GOSR2: variants seen among roughly 807,000 people sequenced by gnomAD.
The protein encoded by GOSR2 is 27 kDa Golgi SNARE protein.
In GOSR2, 20 loss-of-function variants were observed where a neutral mutation model predicts 27.9. That is an observed-to-expected ratio of 0.72 (90% CI 0.50 to 1.04). GOSR2 has a LOEUF of 1.04. Ranked by LOEUF, GOSR2 falls within the 50% of genes least tolerant of loss-of-function variation. GOSR2 has a pLI of 0.00. For synonymous variants in GOSR2, 91 were observed against 98.8 expected (o/e 0.92, Z 0.47); for missense variants, 261 against 270.5 (o/e 0.97, Z 0.25).
chr17:46,935,796 A>G (rs1159675018), intron 5 of GOSR2: 1 of 986,678 alleles, frequency 1.0e-6, no homozygotes, highest in East Asian at 1.1e-4. Flanking sequence ...AGTGGTTTAC[A>G]GAAACATTAC....
intron 6 of GOSR2, among the ~76,000 whole-genome samples, chr17:46,957,760 A>G (rs895589959): frequency 5.3e-5 from 8 of 152,222 alleles, no homozygotes; most frequent in Non-Finnish European, 1.2e-4. Flanking sequence ...TTGAACCTGT[A>G]TTTGGTAGAA....
At chr17:46,943,466 C>T (rs530020338), downstream of GOSR2, among the ~76,000 whole-genome samples, 49 of 152,336 alleles carry the variant, frequency 3.2e-4, 1 homozygote, top group South Asian at 9.7e-3. Context: ...CAAGATGTTT[C>T]CTCTCAGATG....
chr17:46,971,979 G>A (rs147533524), downstream of GOSR2, among the ~76,000 whole-genome samples: 2,625 of 152,330 alleles, frequency 0.017, 34 homozygotes, highest in Non-Finnish European at 0.028. Flanking sequence ...GCCAGGCCTG[G>A]GGCTGGTGGG....
chr17:46,939,743 T>TGTA lies in GOSR2; in HGVS notation c.*984_*986dup. 1.0e-6 allele frequency: 1 copy of TGTA among 987,438 alleles called. No individual in the cohort carries two copies. The highest frequency in any genetic ancestry group is 1.2e-6 in the Non-Finnish European group (1 of 831,296). The allele number at this position is 987,438 out of a possible 1,614,324, so 61.2% of individuals were successfully genotyped here. ...GAGACATCTGTAGTGTGTATGTCCT[T>TGTA]GTAACACTCTGTTTTCAGGGACTAC... On this transcript the variant is annotated 3_prime_UTR_variant, in exon 6 of 6. Transcript: ENST00000640051.
chr17:46,973,720 G>C (rs2091416882), intron 6 of GOSR2, among the ~76,000 whole-genome samples: 1 of 152,130 alleles, frequency 6.6e-6, no homozygotes, highest in South Asian at 2.1e-4. Context: ...TTATTGACAA[G>C]AAAGAATCTT....
At position 46,935,257 on chromosome 17, in the gene GOSR2, T is replaced by C. The variant is rs750576728; in HGVS notation, c.477+88T>C. The C allele has an allele frequency of 1.1e-5, 18 of 1,606,404 alleles. No homozygotes were observed. The African/African-American group carries it at 2.3e-4, about 20-fold the overall frequency. On this transcript the variant is annotated intron_variant, in intron 5 of 5. Coordinates refer to ENST00000640051, the MANE Select transcript of GOSR2 (RefSeq NM_004287.5). ...TAACTGTGTTTATATTTTGATTACG[T>C]GTCCTCAAATTGTGATATTTTGATG...
chr17:46,931,910 C>G, intron 3 of GOSR2, 157 bp from the exon 4 acceptor site: 1 of 713,048 alleles, frequency 1.4e-6, no homozygotes, highest in Non-Finnish European at 2.5e-6. Flanking sequence ...CTTTCAACAT[C>G]GTTGATCAAA....
At chr17:46,952,156 T>C (rs1221422849) in intron 6 of GOSR2, among the ~76,000 whole-genome samples, 1 of 152,224 alleles carries the variant, frequency 6.6e-6, no homozygotes, top group Non-Finnish European at 1.5e-5. Context: ...ACCCAGCATC[T>C]CGTCTTTGGA....
At chr17:46,925,259 C>T (rs1353254565) in intron 1 of GOSR2, among the ~76,000 whole-genome samples, 1 of 152,178 alleles carries the variant, frequency 6.6e-6, no homozygotes, top group Admixed American at 6.5e-5. Flanking sequence ...ACCTGTGTTC[C>T]AGTACAATTT....
chr17:46,936,057 C>T (rs1185299991), intron 5 of GOSR2: 21 of 985,726 alleles, frequency 2.1e-5, no homozygotes, highest in South Asian at 4.7e-5. Context: ...GCCATCTCTA[C>T]GGGGGAGAGG....
At chr17:46,974,475 C>T (rs140867025) in intron 6 of GOSR2, among the ~76,000 whole-genome samples, 4,715 of 152,300 alleles carry the variant, frequency 0.031, 128 homozygotes, top group African/African-American at 0.074. Context: ...TGGCTCACGC[C>T]TGTAATCCCA....
At position 46,939,941 on chromosome 17, in the gene GOSR2, C is replaced by T. The variant is rs1260784522; in HGVS notation, c.*1181C>T. On this transcript the variant is annotated 3_prime_UTR_variant, in exon 6 of 6. Coordinates refer to ENST00000640051, the MANE Select transcript of GOSR2 (RefSeq NM_004287.5). ...TTCTCATTTACCACAGGCCTACCAG[C>T]CCTGGGCACAGCAGCTTCATGGCAA... 1 of 1,006,410 alleles carries T rather than the reference C, an allele frequency of 9.9e-7. No individual in the cohort carries two copies. The highest frequency in any genetic ancestry group is 1.2e-6 in the Non-Finnish European group (1 of 841,226). The allele number at this position is 1,006,410 out of a possible 1,614,324, so 62.3% of individuals were successfully genotyped here. A position where few individuals can be genotyped will look rare whatever the true frequency, so the allele number is the denominator to read the frequency against.
chr17:46,946,281 C>CAAAA, downstream of GOSR2, among the ~76,000 whole-genome samples: 1 of 29,948 alleles, frequency 3.3e-5, no homozygotes. Context: ...ACTAAAAATA[C>CAAAA]CAAAAAAAAA....
chr17:46,960,362 A>G (rs1297739115), intron 6 of GOSR2, among the ~76,000 whole-genome samples: 1 of 152,236 alleles, frequency 6.6e-6, no homozygotes, highest in Non-Finnish European at 1.5e-5. Context: ...TCAAGTGCTG[A>G]CGAGGACATA....
At chr17:46,971,271 A>T (rs1343753513), downstream of GOSR2, among the ~76,000 whole-genome samples, 1 of 152,182 alleles carries the variant, frequency 6.6e-6, no homozygotes, top group Admixed American at 6.5e-5. Context: ...TGGGAGGCAG[A>T]GGTTGCAGTG....
rs2088816613 is a variant in GOSR2 at position 46,938,639 on chromosome 17, G to A, written c.518G>A (p.Gly173Asp). The A allele has an allele frequency of 6.2e-7, 1 of 1,614,006 alleles. No homozygotes were observed. Among genetic ancestry groups the A allele is most frequent in the Non-Finnish European group, 8.5e-7 (1 of 1,180,024 alleles). Residue 173 changes from glycine (G) to aspartate (D), a missense_variant, in exon 6 of 6, where the codon GGC becomes GAC. Gly to Asp is a moderately conservative substitution (Grantham distance 94). Transcript: ENST00000640051. ...ATCCTTGACATTGCCAACATGCTGG[G>A]CTTGTCCAACACAGTGATGCGGCTC... ...KKILDIANML[G>D]LSNTVMRLIE... is the part of the protein sequence containing the mutation.
Position 46,940,513 on chromosome 17 carries a change from T to G in GOSR2, c.*1753T>G. 6.2e-7 allele frequency: 1 copy of G among 1,613,810 alleles called. No homozygotes were observed. Among genetic ancestry groups the G allele is most frequent in the African/African-American group, 1.3e-5 (1 of 75,022 alleles). Reference sequence around the variant, plus strand: ...GCAGGACTTTTGGTAATCCATAAAATGGATTCTGAGACTGCGACGGCAAGG... The same window carrying G: ...GCAGGACTTTTGGTAATCCATAAAAGGGATTCTGAGACTGCGACGGCAAGG... On this transcript the variant is annotated 3_prime_UTR_variant, in exon 6 of 6. Transcript: ENST00000640051.
rs169126 is a variant in GOSR2, at chr17:46,934,882, T to G, written c.337-147T>G. 712,661 of 712,666 alleles carry G rather than the reference T, an allele frequency of 1. 356,328 individuals carry two copies. Among genetic ancestry groups the G allele is most frequent in the Non-Finnish European group, 1 (400,582 of 400,582 alleles). 44.1% of individuals were successfully genotyped at this position (712,666 alleles called of 1,614,324 possible). On this transcript the variant is annotated intron_variant, in intron 4 of 5. Transcript: ENST00000640051. ...CAGAGGCCACCCCAGGCCTTTGCTTTGCTTTTTCTTATCCATTAGGGTCCG... is the reference window on the plus strand; with the variant it reads ...CAGAGGCCACCCCAGGCCTTTGCTTGGCTTTTTCTTATCCATTAGGGTCCG...
At position 46,940,217 on chromosome 17, in the gene GOSR2, AT is replaced by A; in HGVS notation, c.*1459del. 1 of 1,416,494 alleles carries A rather than the reference AT, an allele frequency of 7.1e-7. No homozygotes were observed. Among genetic ancestry groups the A allele is most frequent in the Non-Finnish European group, 9.2e-7 (1 of 1,089,296 alleles). 87.7% of individuals were successfully genotyped at this position (1,416,494 alleles called of 1,614,324 possible). ...TGGTAAGTTTTCTTAATTGTCATAG[AT>A]TAACTGAGTTTCCTGGATGCTAATT... On this transcript the variant is annotated 3_prime_UTR_variant, in exon 6 of 6. Transcript: ENST00000640051.
Sources: gnomAD v4.1 joint callset for allele counts (sites outside exome capture counted in the v4.1 genomes callset) on GRCh38, gnomAD v4.1.1 for gene constraint, MANE v1.5 for transcripts, NCBI Gene and HGNC (gene_info 2026-07-23, HGNC 2026-07-21) for gene names.